Variants in MAP3K5 observed in about 807,000 individuals in gnomAD.
The protein encoded by MAP3K5 is mitogen-activated protein kinase kinase kinase 5, also known as ASK-1.
MAP3K5 carries 56 observed loss-of-function variants against 158.7 expected under a neutral mutation model. The observed-to-expected ratio is 0.35, with a 90% confidence interval of 0.28 to 0.44. The LOEUF (loss-of-function observed/expected upper bound fraction) is 0.44, where lower values mean the gene tolerates loss of function less well. MAP3K5 is among the 20% of genes least tolerant of loss of function. The probability of loss-of-function intolerance (pLI) is 1.00; values close to 1 mark genes in which losing one functional copy is unlikely to be tolerated. For missense variants in MAP3K5, 1,294 were observed against 1,674.8 expected (o/e 0.77, Z 3.97); for synonymous variants, 579 against 601.7 (o/e 0.96, Z 0.55).
chr6:136,611,183 T>TGTG, intron 18 of MAP3K5, 99 bp downstream of exon 18: 1 of 637,046 alleles, frequency 1.6e-6, no homozygotes, highest in African/African-American at 1.8e-5. Context: ...CATTACTGTG[T>TGTG]GTGAGAACAC....
intron 14 of MAP3K5, among the ~76,000 whole-genome samples, chr6:136,625,396 T>C (rs1426282816): frequency 1.3e-5 from 2 of 152,216 alleles, no homozygotes; most frequent in East Asian, 1.9e-4. Context: ...ATAGGAAGTA[T>C]GGCCTAGTGC....
intron 13 of MAP3K5, 138 bp from the exon 14 acceptor site, chr6:136,637,544 T>G: frequency 1.9e-6 from 1 of 539,580 alleles, no homozygotes; most frequent in Non-Finnish European, 3.3e-6. Flanking sequence ...ACTATCAAGA[T>G]CATGTGAAAA....
chr6:136,580,470 G>T, intron 24 of MAP3K5, 64 bp from the exon 25 acceptor site: 1 of 953,334 alleles, frequency 1.0e-6, no homozygotes, highest in Non-Finnish European at 1.7e-6. Flanking sequence ...GATGATCGAA[G>T]CACTTGTATG....
chr6:136,754,954 C>T (rs979260859), intron 1 of MAP3K5, among the ~76,000 whole-genome samples: 1 of 152,056 alleles, frequency 6.6e-6, no homozygotes, highest in Non-Finnish European at 1.5e-5. Flanking sequence ...ATGAGGTTGT[C>T]GTCTCCTCCT....
chr6:136,770,557 G>GT (rs1203327834), intron 1 of MAP3K5, among the ~76,000 whole-genome samples: 1 of 152,100 alleles, frequency 6.6e-6, no homozygotes, highest in Admixed American at 6.5e-5. Context: ...CAAAATGGAG[G>GT]TAAGAGTCAA....
At position 136,724,248 on chromosome 6, in the gene MAP3K5, CTTTTT is replaced by C. The variant is rs1213577934; in HGVS notation, c.449-3664_449-3660del. On this transcript the variant is annotated intron_variant, in intron 1 of 29. Transcript: ENST00000359015. ...GTTTTCGGATTAAGAGAGAAACTGACTTTTTTTTTTTTTTTTTTGAGATGGAGTCT... is the reference window on the plus strand; with the variant it reads ...GTTTTCGGATTAAGAGAGAAACTGACTTTTTTTTTTTTTGAGATGGAGTCT... Among the ~76,000 whole-genome samples the C allele has an allele frequency of 3.0e-5, 4 of 134,648 alleles. No homozygotes were observed. The Admixed American group carries it at 3.0e-4, about 10-fold the overall frequency. The allele number at this position is 134,648 out of a possible 152,430, so 88.3% of individuals were successfully genotyped here. A position where few individuals can be genotyped will look rare whatever the true frequency, so the allele number is the denominator to read the frequency against.
intron 23 of MAP3K5, among the ~76,000 whole-genome samples, chr6:136,584,916 A>G (rs1038936613): frequency 6.6e-6 from 1 of 152,118 alleles, no homozygotes; most frequent in African/African-American, 2.4e-5. Flanking sequence ...TTGGTACTTC[A>G]GTTGTCCTAA....
In MAP3K5 at chr6:136,687,060, T is replaced by C. The variant is rs559571447; in HGVS notation, c.1253+7080A>G. ...TACAGTAACCAAAACATCATGGTAC[T>C]GATACCAAAACAGATACATAGACCA... On this transcript the variant is annotated intron_variant, in intron 7 of 29. Transcript: ENST00000359015. Among the ~76,000 whole-genome samples, 6 of 152,280 alleles carry C rather than the reference T, an allele frequency of 3.9e-5. No individual in the cohort carries two copies. In the East Asian group the frequency reaches 1.2e-3, roughly 29 times the overall value.
At chr6:136,729,009 G>A (rs1782093434) in intron 1 of MAP3K5, among the ~76,000 whole-genome samples, 1 of 152,156 alleles carries the variant, frequency 6.6e-6, no homozygotes, top group South Asian at 2.1e-4. Flanking sequence ...CAGAGACAGA[G>A]GAGGGTGCAA....
At chr6:136,585,481 A>C (rs113863859) in intron 23 of MAP3K5, among the ~76,000 whole-genome samples, 18,779 of 117,280 alleles carry the variant, frequency 0.16, 1,764 homozygotes, top group East Asian at 0.37. Flanking sequence ...TTCTTTATTT[A>C]TTTATTTATT....
chr6:136,720,779 C>T (rs1352541491), intron 1 of MAP3K5, among the ~76,000 whole-genome samples, 190 bp from the exon 2 acceptor site: 3 of 151,986 alleles, frequency 2.0e-5, no homozygotes, highest in African/African-American at 2.4e-5. Context: ...TGTAACAAAC[C>T]TCCTTTTTCT....
intron 11 of MAP3K5, among the ~76,000 whole-genome samples, chr6:136,643,932 G>A (rs1478316685): frequency 2.0e-5 from 3 of 152,144 alleles, no homozygotes; most frequent in African/African-American, 7.2e-5. Context: ...CCCAGGAGCT[G>A]CAGCTGTTAC....
chr6:136,778,628 T>C (rs1784488522), intron 1 of MAP3K5, among the ~76,000 whole-genome samples: 1 of 152,232 alleles, frequency 6.6e-6, no homozygotes, highest in South Asian at 2.1e-4. Flanking sequence ...GTAATCATGA[T>C]AGTAATAGTT....
At chr6:136,725,730 G>A (rs1781939306) in intron 1 of MAP3K5, among the ~76,000 whole-genome samples, 1 of 152,020 alleles carries the variant, frequency 6.6e-6, no homozygotes, top group Non-Finnish European at 1.5e-5. Context: ...TTATTTAATG[G>A]ATTGTGCTTC....
intron 1 of MAP3K5, among the ~76,000 whole-genome samples, chr6:136,779,570 G>A (rs971978344): frequency 2.0e-5 from 3 of 151,958 alleles, no homozygotes; most frequent in Middle Eastern, 6.3e-3. Context: ...TAAGACCAAA[G>A]TGTCATATAT....
intron 3 of MAP3K5, among the ~76,000 whole-genome samples, chr6:136,704,132 G>T (rs529775662): frequency 6.7e-4 from 102 of 152,246 alleles, no homozygotes; most frequent in Middle Eastern, 3.4e-3. Context: ...CTGTAGTGTG[G>T]TCTCAGAGGC....
chr6:136,790,171 A>G (rs1200644734), intron 1 of MAP3K5, among the ~76,000 whole-genome samples: 1 of 152,186 alleles, frequency 6.6e-6, no homozygotes, highest in Admixed American at 6.5e-5. Flanking sequence ...GCTCCCTTCT[A>G]ATCATTCTCT....
At chr6:136,725,504 T>C (rs1317001782) in intron 1 of MAP3K5, among the ~76,000 whole-genome samples, 1 of 152,256 alleles carries the variant, frequency 6.6e-6, no homozygotes, top group Non-Finnish European at 1.5e-5. Flanking sequence ...TATATCTTAT[T>C]TGGTTAAGTA....
At chr6:136,730,134 GT>G (rs1307579980) in intron 1 of MAP3K5, among the ~76,000 whole-genome samples, 1 of 144,328 alleles carries the variant, frequency 6.9e-6, no homozygotes, top group Non-Finnish European at 1.5e-5. Flanking sequence ...CACCATACCT[GT>G]TTTTTTGTTG....
Sources: gnomAD v4.1 joint callset for allele counts (sites outside exome capture counted in the v4.1 genomes callset) on GRCh38, gnomAD v4.1.1 for gene constraint, MANE v1.5 for transcripts, NCBI Gene and HGNC (gene_info 2026-07-23, HGNC 2026-07-21) for gene names.